Variants in PDGFRL observed in about 807,000 individuals in gnomAD.
The protein encoded by PDGFRL is platelet-derived growth factor receptor-like protein.
In PDGFRL, 46 loss-of-function variants were observed where a neutral mutation model predicts 37.2. The ratio of observed to expected loss-of-function variants is 1.24; its 90% CI spans 0.98 to 1.58. The LOEUF is 1.58. PDGFRL is among the 40% of genes most tolerant of loss of function. The pLI is 0.00. For synonymous variants in PDGFRL, 251 were observed against 184.3 expected (o/e 1.36, Z -2.93); for missense variants, 692 against 467.6 (o/e 1.48, Z -4.43).
Position 17,638,775 on chromosome 8 carries a change from ATATATATATAT to A in PDGFRL, c.940-3837_940-3827del, listed in dbSNP as rs1563532517. Among the ~76,000 whole-genome samples the A allele has an allele frequency of 6.2e-4, 58 of 93,418 alleles. 1 individual carries two copies. The South Asian group carries it at 8.5e-3, about 14-fold the overall frequency. 61.3% of individuals were successfully genotyped at this position (93,418 alleles called of 152,430 possible). A position where few individuals can be genotyped will look rare whatever the true frequency, so the allele number is the denominator to read the frequency against. ...TATATATATATATATATATATATAT[ATATATATATAT>A]AATTGTGATATTTTCCTGTTGGGCA... On this transcript the variant is annotated intron_variant, in intron 5 of 5. Transcript: ENST00000251630.
chr8:17,590,153 C>T (rs148483415), intron 2 of PDGFRL, among the ~76,000 whole-genome samples: 15 of 144,912 alleles, frequency 1.0e-4, no homozygotes, highest in African/African-American at 3.6e-4. Context: ...ATGGTGCGAA[C>T]CTGGGAGGTG....
rs1019047704 is a variant in PDGFRL at position 17,625,316 on chromosome 8, G to A, written c.506-3171G>A. On this transcript the variant is annotated intron_variant, in intron 3 of 5. Coordinates refer to ENST00000251630, the MANE Select transcript of PDGFRL (RefSeq NM_001372073.1). ...ACAGGCATGCGCCACAGTGCCCAAC[G>A]AATCTTTGTATTTTTAGCAGAGATG... Among the ~76,000 whole-genome samples, 8 of 152,094 alleles carry A rather than the reference G, an allele frequency of 5.3e-5. No individual in the cohort carries two copies. The East Asian group carries it at 1.6e-3, about 30-fold the overall frequency.
intron 2 of PDGFRL, among the ~76,000 whole-genome samples, chr8:17,593,477 A>G (rs182191744): frequency 3.4e-4 from 51 of 151,540 alleles, no homozygotes; most frequent in Admixed American, 3.0e-3. Context: ...GCATTCCTGT[A>G]GTCCCAGCTA....
rs545575466 is a variant in PDGFRL, at chr8:17,620,259, A to C, written c.354-792A>C. ...TTATAGGCATGAACCACTGCCAAAC[A>C]CATTCTTTTTTTTGAAATTTATTTT... On this transcript the variant is annotated intron_variant, in intron 2 of 5. Coordinates refer to ENST00000251630, the MANE Select transcript of PDGFRL (RefSeq NM_001372073.1). 7.2e-5 allele frequency among the ~76,000 whole-genome samples: 11 copies of C among 152,276 alleles called. No individual in the cohort carries two copies. The East Asian group carries it at 2.1e-3, about 29-fold the overall frequency.
chr8:17,621,019 T>C (rs2129765164), intron 2 of PDGFRL, 32 bp from the exon 3 acceptor site: 24 of 1,558,032 alleles, frequency 1.5e-5, no homozygotes, highest in Non-Finnish European at 2.1e-5. Flanking sequence ...CAGGTCTGAC[T>C]TGCTTTGAGT....
At chr8:17,629,105 T>TTG (rs1804801563) in intron 4 of PDGFRL, among the ~76,000 whole-genome samples, 1 of 124,742 alleles carries the variant, frequency 8.0e-6, no homozygotes, top group Non-Finnish European at 1.7e-5. Context: ...TTTTTTTTTT[T>TTG]GTCTCATAGA....
chr8:17,638,336 C>T (rs991979480), intron 5 of PDGFRL, among the ~76,000 whole-genome samples: 2 of 152,072 alleles, frequency 1.3e-5, no homozygotes, highest in East Asian at 1.9e-4. Context: ...ATTTAATTTC[C>T]ATGTGTTTGT....
chr8:17,641,896 T>TCCCCGCCGCCC (rs67098871), intron 5 of PDGFRL, among the ~76,000 whole-genome samples: 1 of 103,888 alleles, frequency 9.6e-6, no homozygotes, highest in Non-Finnish European at 1.8e-5. Flanking sequence ...TCAATAGAGG[T>TCCCCGCCGCCC]CCCCGCCACA....
chr8:17,612,480 C>G (rs556264099), intron 2 of PDGFRL, among the ~76,000 whole-genome samples: 1 of 152,266 alleles, frequency 6.6e-6, no homozygotes, highest in South Asian at 2.1e-4. Flanking sequence ...AAGCTATTCT[C>G]CTGCCTCAGC....
At chr8:17,579,805 C>G (rs1445035030) in intron 1 of PDGFRL, among the ~76,000 whole-genome samples, 2 of 151,962 alleles carry the variant, frequency 1.3e-5, no homozygotes, top group Admixed American at 1.3e-4. Context: ...AAGTAATGTT[C>G]TTTCTCCTCA....
rs1804444432 is a variant in PDGFRL, at chr8:17,612,609, G to A, written c.354-8442G>A. Reference sequence around the variant, plus strand: ...TGGTCTCAAACTCCTGACCTCAGGTGATCCACCTACCTCGGCCTCCCAAAG... The same window carrying A: ...TGGTCTCAAACTCCTGACCTCAGGTAATCCACCTACCTCGGCCTCCCAAAG... On this transcript the variant is annotated intron_variant, in intron 2 of 5. Coordinates refer to ENST00000251630, the MANE Select transcript of PDGFRL (RefSeq NM_001372073.1). 2.0e-5 allele frequency among the ~76,000 whole-genome samples: 3 copies of A among 152,326 alleles called. No homozygotes were observed. The South Asian group carries it at 6.2e-4, about 32-fold the overall frequency.
chr8:17,623,831 G>A (rs532394089), intron 3 of PDGFRL, among the ~76,000 whole-genome samples: 3 of 148,412 alleles, frequency 2.0e-5, no homozygotes, highest in Non-Finnish European at 3.0e-5. Context: ...TCAAGATTGC[G>A]CCACTGCACT....
intron 2 of PDGFRL, among the ~76,000 whole-genome samples, chr8:17,594,551 T>C (rs1804011248): frequency 6.9e-6 from 1 of 145,712 alleles, no homozygotes; most frequent in Non-Finnish European, 1.5e-5. Flanking sequence ...CTATACTACA[T>C]TTATTTTGTT....
At chr8:17,615,761 T>TA (rs1804510560) in intron 2 of PDGFRL, among the ~76,000 whole-genome samples, 1 of 151,968 alleles carries the variant, frequency 6.6e-6, no homozygotes, top group South Asian at 2.1e-4. Flanking sequence ...CAAAAAAATG[T>TA]AAAAAAATTA....
chr8:17,584,891 T>C (rs976807042), intron 1 of PDGFRL, among the ~76,000 whole-genome samples: 2 of 152,120 alleles, frequency 1.3e-5, no homozygotes, highest in Non-Finnish European at 2.9e-5. Flanking sequence ...AAAGAATGGC[T>C]TCTTCATAGG....
At chr8:17,638,751 AT>A (rs1805026867) in intron 5 of PDGFRL, among the ~76,000 whole-genome samples, 1 of 55,388 alleles carries the variant, frequency 1.8e-5, no homozygotes, top group Non-Finnish European at 3.5e-5. Flanking sequence ...ATATATATAT[AT>A]ATATATATAT....
At chr8:17,581,943 G>C (rs549491726) in intron 1 of PDGFRL, among the ~76,000 whole-genome samples, 1 of 152,310 alleles carries the variant, frequency 6.6e-6, no homozygotes, top group African/African-American at 2.4e-5. Context: ...AGCAGCTTTG[G>C]AACTGGGTAC....
At chr8:17,632,717 C>G (rs1585334474) in intron 4 of PDGFRL, among the ~76,000 whole-genome samples, 1 of 152,142 alleles carries the variant, frequency 6.6e-6, no homozygotes, top group Non-Finnish European at 1.5e-5. Flanking sequence ...CCTGAATGGC[C>G]TCACATGGAC....
rs559296620 is a variant in PDGFRL, at chr8:17,579,553, A to G, written c.55+2246A>G. 1.4e-4 allele frequency among the ~76,000 whole-genome samples: 10 copies of G among 71,822 alleles called. No individual in the cohort carries two copies. The South Asian group carries it at 3.6e-3, about 26-fold the overall frequency. The allele number at this position is 71,822 out of a possible 152,430, so 47.1% of individuals were successfully genotyped here. ...CAGTCTTTATTATTATTTTATTATT[A>G]TTGTTATTATTATTATTATTATTAT... On this transcript the variant is annotated intron_variant, in intron 1 of 5. Transcript: ENST00000251630.
Sources: allele counts gnomAD v4.1 joint callset (sites outside exome capture counted in the v4.1 genomes callset), GRCh38; gene constraint gnomAD v4.1.1; transcripts MANE v1.5; gene names NCBI Gene and HGNC (gene_info 2026-07-23, HGNC 2026-07-21).